CRPPA: variants seen among roughly 807,000 people sequenced by gnomAD.
CRPPA encodes D-ribitol-5-phosphate cytidylyltransferase.
In CRPPA, 43 loss-of-function variants were observed where a neutral mutation model predicts 52.0. That is an observed-to-expected ratio of 0.83 (90% CI 0.65 to 1.07). CRPPA has a LOEUF of 1.07. CRPPA is among the 50% of genes least tolerant of loss of function. The pLI is 0.00. For missense variants in CRPPA, 629 were observed against 551.7 expected (o/e 1.14, Z -1.40); for synonymous variants, 250 against 203.5 (o/e 1.23, Z -1.94).
chr7:16,188,073 G>T (rs1397376726), intron 9 of CRPPA, among the ~76,000 whole-genome samples: 1 of 138,864 alleles, frequency 7.2e-6, no homozygotes, highest in African/African-American at 2.7e-5. Flanking sequence ...TTGAGACGGA[G>T]TCCTGTTCTG....
chr7:16,321,455 GA>G (rs1424351937), intron 3 of CRPPA, among the ~76,000 whole-genome samples: 1 of 151,674 alleles, frequency 6.6e-6, no homozygotes, highest in African/African-American at 2.4e-5. Context: ...ATAACTTAGG[GA>G]AAAAAAATCA....
At chr7:16,301,032 C>T (rs887883022) in intron 5 of CRPPA, among the ~76,000 whole-genome samples, 1 of 152,164 alleles carries the variant, frequency 6.6e-6, no homozygotes, top group African/African-American at 2.4e-5. Flanking sequence ...CAATGTTTCT[C>T]ACATGGAAGA....
intron 1 of CRPPA, among the ~76,000 whole-genome samples, chr7:16,417,226 G>A (rs560292403): frequency 4.3e-4 from 66 of 152,316 alleles, no homozygotes; most frequent in African/African-American, 1.4e-3. Flanking sequence ...ACTGTGGAAA[G>A]AAGTTTGGAG....
intron 8 of CRPPA, chr7:16,216,448 C>A (rs991776170): frequency 6.0e-6 from 2 of 335,102 alleles, no homozygotes; most frequent in East Asian, 7.1e-5. Context: ...CCAAGATGGC[C>A]GAGTAGGAAC....
intron 9 of CRPPA, among the ~76,000 whole-genome samples, chr7:16,207,339 A>G (rs973275643): frequency 5.3e-5 from 8 of 152,184 alleles, no homozygotes; most frequent in African/African-American, 1.7e-4. Flanking sequence ...ATTGTCACTG[A>G]CTTAGAATGT....
At chr7:16,310,277 T>G (rs552546309) in intron 3 of CRPPA, among the ~76,000 whole-genome samples, 1 of 152,190 alleles carries the variant, frequency 6.6e-6, no homozygotes, top group South Asian at 2.1e-4. Context: ...AACAGCCTTC[T>G]GCCAAGGCAA....
intron 2 of CRPPA, among the ~76,000 whole-genome samples, chr7:16,381,986 T>C (rs966720606): frequency 2.5e-4 from 38 of 152,172 alleles, no homozygotes; most frequent in African/African-American, 8.7e-4. Context: ...ATTTAGTCCA[T>C]TTACATTTAA....
chr7:16,270,787 A>G (rs1201604580), intron 6 of CRPPA, among the ~76,000 whole-genome samples: 1 of 152,174 alleles, frequency 6.6e-6, no homozygotes, highest in African/African-American at 2.4e-5. Flanking sequence ...ACGCTAAAAT[A>G]TAATATGTAT....
intron 2 of CRPPA, among the ~76,000 whole-genome samples, chr7:16,391,952 G>C (rs1006058610): frequency 2.0e-5 from 3 of 152,020 alleles, no homozygotes; most frequent in African/African-American, 7.2e-5. Context: ...TTCAAGATGA[G>C]GTCAAACCAA....
rs115464651 is a variant in CRPPA at position 16,270,768 on chromosome 7, T to A, written c.933+7361A>T. 1.7e-3 allele frequency among the ~76,000 whole-genome samples: 259 copies of A among 152,302 alleles called. 2 individuals carry two copies. The highest frequency in any genetic ancestry group is 6.0e-3 in the African/African-American group (248 of 41,580). ...TTCAGGTGCAAACAAATGAAAATCC[T>A]GTATATTCACGCTAAAATATAATAT... On this transcript the variant is annotated intron_variant, in intron 6 of 9. Coordinates refer to ENST00000407010, the MANE Select transcript of CRPPA (RefSeq NM_001101426.4).
chr7:16,414,388 CA>C (rs1788141495), intron 1 of CRPPA, among the ~76,000 whole-genome samples: 2 of 120,704 alleles, frequency 1.7e-5, no homozygotes, highest in African/African-American at 3.0e-5. Flanking sequence ...CACACACACA[CA>C]CACACACACA....
At chr7:16,301,934 T>C (rs1323352031) in intron 4 of CRPPA, among the ~76,000 whole-genome samples, 1 of 152,186 alleles carries the variant, frequency 6.6e-6, no homozygotes, top group Non-Finnish European at 1.5e-5. Flanking sequence ...CGTATGAACC[T>C]AGATAAGATT....
At chr7:16,353,814 C>T (rs1168956747) in intron 3 of CRPPA, among the ~76,000 whole-genome samples, 1 of 151,596 alleles carries the variant, frequency 6.6e-6, no homozygotes, top group Non-Finnish European at 1.5e-5. Flanking sequence ...CACACCACTG[C>T]ACTCCAGCCT....
At chr7:16,305,872 C>T (rs1784898398) in intron 4 of CRPPA, among the ~76,000 whole-genome samples, 1 of 152,180 alleles carries the variant, frequency 6.6e-6, no homozygotes. Flanking sequence ...CAGAGCAAGA[C>T]TCCGTCAAAA....
chr7:16,303,490 A>AAAAAAAAAAACAAAAAAAAAAAAAC (rs1562619511), intron 4 of CRPPA, among the ~76,000 whole-genome samples: 1 of 146,962 alleles, frequency 6.8e-6, no homozygotes, highest in African/African-American at 2.5e-5. Context: ...AAAAAAAAAA[A>AAAAAAAAAAACAAAAAAAAAAAAAC]AAAAAAAAAA....
chr7:16,297,225 G>GTA (rs1583499930), intron 5 of CRPPA, among the ~76,000 whole-genome samples: 1 of 152,164 alleles, frequency 6.6e-6, no homozygotes, highest in South Asian at 2.1e-4. Flanking sequence ...TGAGAGCAAT[G>GTA]TATATATCTT....
intron 8 of CRPPA, among the ~76,000 whole-genome samples, chr7:16,227,760 T>C (rs1210885238): frequency 6.6e-6 from 1 of 151,888 alleles, no homozygotes; most frequent in Admixed American, 6.6e-5. Context: ...TGACACCAAT[T>C]TGTCTATTTT....
intron 3 of CRPPA, among the ~76,000 whole-genome samples, chr7:16,349,251 C>A (rs7791192): frequency 5.3e-5 from 8 of 152,158 alleles, no homozygotes; most frequent in African/African-American, 1.7e-4. Flanking sequence ...CCACAAAAAA[C>A]AGACAGCAGT....
At chr7:16,193,137 G>A (rs1051758585) in intron 9 of CRPPA, among the ~76,000 whole-genome samples, 1 of 152,104 alleles carries the variant, frequency 6.6e-6, no homozygotes, top group African/African-American at 2.4e-5. Context: ...CTCACTTGGT[G>A]GAGAACTGTT....
Sources: gnomAD v4.1 joint callset for allele counts (sites outside exome capture counted in the v4.1 genomes callset) on GRCh38, gnomAD v4.1.1 for gene constraint, MANE v1.5 for transcripts, NCBI Gene and HGNC (gene_info 2026-07-23, HGNC 2026-07-21) for gene names.